Variants in SLC2A9 observed in about 807,000 individuals in gnomAD.
SLC2A9 encodes the protein solute carrier family 2, facilitated glucose transporter member 9.
A neutral mutation model predicts 50.6 loss-of-function variants in SLC2A9; 39 were observed. That is an observed-to-expected ratio of 0.77 (90% CI 0.60 to 1.01). The LOEUF (loss-of-function observed/expected upper bound fraction) is 1.01. SLC2A9 is among the 50% of genes least tolerant of loss of function. SLC2A9 has a pLI of 0.00. For synonymous variants in SLC2A9, 324 were observed against 276.9 expected, an observed-to-expected ratio of 1.17 and a Z score of -1.69; for missense variants, 686 against 677.6, an observed-to-expected ratio of 1.01 and a Z score of -0.14.
chr4:9,890,502 G>C (rs1577722416), intron 9 of SLC2A9, 108 bp downstream of exon 9: 1 of 1,025,356 alleles, frequency 9.8e-7, no homozygotes, highest in East Asian at 2.5e-5. Flanking sequence ...TTTATCACAA[G>C]TGTTTTCTGT....
chr4:9,970,669 A>T (rs963499420), intron 5 of SLC2A9, among the ~76,000 whole-genome samples: 5 of 134,534 alleles, frequency 3.7e-5, no homozygotes, highest in African/African-American at 2.9e-5. Context: ...TAAGACTCAA[A>T]GACACAAAAT....
intron 6 of SLC2A9, among the ~76,000 whole-genome samples, chr4:9,939,675 T>C (rs997229762): frequency 6.6e-6 from 1 of 152,146 alleles, no homozygotes; most frequent in African/African-American, 2.4e-5. Context: ...TGAGCTAATG[T>C]ATGTGAAGTG....
chr4:9,993,050 T>G (rs1273385946), intron 3 of SLC2A9, among the ~76,000 whole-genome samples: 1 of 152,242 alleles, frequency 6.6e-6, no homozygotes, highest in East Asian at 1.9e-4. Flanking sequence ...AGCATCACCT[T>G]AAGCCCCAGA....
intron 7 of SLC2A9, among the ~76,000 whole-genome samples, chr4:9,913,933 G>A (rs1560293447): frequency 1.3e-5 from 2 of 152,196 alleles, no homozygotes; most frequent in African/African-American, 4.8e-5. Flanking sequence ...CTGAATTTCA[G>A]AGAAGAAGGG....
chr4:9,900,941 T>G (rs1739490664), intron 8 of SLC2A9, among the ~76,000 whole-genome samples: 3 of 152,164 alleles, frequency 2.0e-5, no homozygotes, highest in Admixed American at 2.0e-4. Flanking sequence ...ATGGGGATTG[T>G]GGGAACTATA....
At chr4:9,987,596 T>C (rs142869655) in intron 3 of SLC2A9, among the ~76,000 whole-genome samples, 2,139 of 152,314 alleles carry the variant, frequency 0.014, 24 homozygotes, top group Middle Eastern at 0.054. Context: ...TCTCTGATCT[T>C]AGAACTTGCG....
intron 3 of SLC2A9, among the ~76,000 whole-genome samples, chr4:9,792,578 C>T (rs1247648969): frequency 3.1e-4 from 47 of 152,160 alleles, no homozygotes; most frequent in Admixed American, 3.1e-3. Flanking sequence ...AGTGTCCCTG[C>T]ATGCAGCCAC....
chr4:9,901,413 T>G (rs1235257566), intron 8 of SLC2A9, among the ~76,000 whole-genome samples: 1 of 152,142 alleles, frequency 6.6e-6, no homozygotes, highest in African/African-American at 2.4e-5. Context: ...CACATGTCAG[T>G]GTGATGATTC....
chr4:9,838,611 A>G (rs945780377), intron 10 of SLC2A9, among the ~76,000 whole-genome samples: 12 of 152,220 alleles, frequency 7.9e-5, no homozygotes, highest in African/African-American at 2.9e-4. Flanking sequence ...ACAATACTAC[A>G]GAATTATAGT....
chr4:9,960,850 G>T (rs939160406), intron 5 of SLC2A9, among the ~76,000 whole-genome samples: 1 of 152,116 alleles, frequency 6.6e-6, no homozygotes, highest in Admixed American at 6.6e-5. Context: ...GATAGAATGG[G>T]TTAAAATTGG....
chr4:9,780,626 G>A lies in SLC2A9; in HGVS notation n.386-561C>T, dbSNP rs555820633. On this transcript the variant is annotated intron_variant and non_coding_transcript_variant, in intron 3 of 3. Transcript: ENST00000503803. ...GTGTCTGGGCCAGCAGGTCGCAGCC[G>A]GAGCTATGCAGCTGGCTGCTGTCAC... Among the ~76,000 whole-genome samples, 133 of 152,278 alleles carry A rather than the reference G, an allele frequency of 8.7e-4. 1 individual carries two copies. In the Middle Eastern group the frequency reaches 0.01, roughly 12 times the overall value.
intron 10 of SLC2A9, among the ~76,000 whole-genome samples, chr4:9,842,249 G>T (rs975685179): frequency 6.6e-6 from 1 of 152,140 alleles, no homozygotes; most frequent in African/African-American, 2.4e-5. Flanking sequence ...GCTTTTCAAA[G>T]GTAAGTTATT....
chr4:9,909,235 T>C (rs999272480), intron 7 of SLC2A9, among the ~76,000 whole-genome samples: 1 of 152,216 alleles, frequency 6.6e-6, no homozygotes, highest in Non-Finnish European at 1.5e-5. Context: ...GCCTGTGCCC[T>C]TACTGACTAC....
intron 4 of SLC2A9, among the ~76,000 whole-genome samples, chr4:9,984,658 G>C (rs1262545402): frequency 6.6e-6 from 1 of 152,168 alleles, no homozygotes; most frequent in Non-Finnish European, 1.5e-5. Flanking sequence ...TTTAGAAAGA[G>C]AGCAGCGTTT....
intron 7 of SLC2A9, among the ~76,000 whole-genome samples, chr4:9,918,265 G>A (rs1180120717): frequency 6.6e-6 from 1 of 152,160 alleles, no homozygotes; most frequent in African/African-American, 2.4e-5. Context: ...CAGGGGTGGT[G>A]CCTGCACAGA....
intron 3 of SLC2A9, among the ~76,000 whole-genome samples, chr4:9,815,257 C>T (rs964827753): frequency 1.3e-5 from 2 of 152,224 alleles, no homozygotes; most frequent in Non-Finnish European, 2.9e-5. Context: ...AATCCGTGCT[C>T]CTTTAACCTG....
chr4:9,781,194 G>T (rs548112431), intron 3 of SLC2A9, among the ~76,000 whole-genome samples: 1 of 152,150 alleles, frequency 6.6e-6, no homozygotes, highest in African/African-American at 2.4e-5. Context: ...ATTATCCCAC[G>T]CTGTGGAGAA....
intron 8 of SLC2A9, among the ~76,000 whole-genome samples, chr4:9,898,528 G>A (rs1396975245): frequency 2.6e-5 from 4 of 152,172 alleles, no homozygotes; most frequent in African/African-American, 7.2e-5. Context: ...CTCCGTGCAT[G>A]GCAGGAGTTC....
rs533062899 is a variant in SLC2A9, at chr4:9,966,126, T to G, written c.681+14466A>C. Reference sequence around the variant, plus strand: ...AAAGCCTCATTTAAATGCTTGTGGATGACATGGGCAGAGTGAGACTAATGC... The same window carrying G: ...AAAGCCTCATTTAAATGCTTGTGGAGGACATGGGCAGAGTGAGACTAATGC... On this transcript the variant is annotated intron_variant, in intron 5 of 11. Coordinates refer to ENST00000264784, the MANE Select transcript of SLC2A9 (RefSeq NM_020041.3). Among the ~76,000 whole-genome samples, 3 of 152,280 alleles carry G rather than the reference T, an allele frequency of 2.0e-5. No homozygotes were observed. The East Asian group carries it at 5.8e-4, about 29-fold the overall frequency.
Sources: allele counts gnomAD v4.1 joint callset (sites outside exome capture counted in the v4.1 genomes callset), GRCh38; gene constraint gnomAD v4.1.1; transcripts MANE v1.5; gene names NCBI Gene and HGNC (gene_info 2026-07-23, HGNC 2026-07-21).